The following ANKRD36B variants were observed in gnomAD, a reference collection of about 807,000 sequenced individuals.
ANKRD36B encodes ankyrin repeat domain 36B, also known as ankyrin repeat domain-containing protein 36B.
A neutral mutation model predicts 135.7 loss-of-function variants in ANKRD36B; 37 were observed. The ratio of observed to expected loss-of-function variants is 0.27; its 90% CI spans 0.21 to 0.36. The LOEUF is 0.36. Ranked by LOEUF, ANKRD36B falls within the 10% of genes least tolerant of loss-of-function variation. The pLI, the probability that ANKRD36B is intolerant of heterozygous loss-of-function variation, is 1.00. For missense variants in ANKRD36B, 549 were observed against 1,037.1 expected, an observed-to-expected ratio of 0.53 and a Z score of 6.46; for synonymous variants, 179 against 348.1, an observed-to-expected ratio of 0.51 and a Z score of 5.41.
intron 22 of ANKRD36B, among the ~76,000 whole-genome samples, chr2:97,546,076 T>C (rs2079434306): frequency 6.6e-6 from 1 of 151,682 alleles, no homozygotes; most frequent in Non-Finnish European, 1.5e-5. Flanking sequence ...ATTTCAAACA[T>C]GGTATGATTT....
intron 37 of ANKRD36B, among the ~76,000 whole-genome samples, chr2:97,514,903 ATTTT>A (rs1290812182): frequency 1.4e-5 from 1 of 69,742 alleles, no homozygotes. Flanking sequence ...AACTGGATAC[ATTTT>A]TTTTTTTTTT....
chr2:97,546,440 C>T (rs927022957), intron 22 of ANKRD36B, among the ~76,000 whole-genome samples: 3 of 151,732 alleles, frequency 2.0e-5, no homozygotes, highest in African/African-American at 7.2e-5. Flanking sequence ...TTATCTCTCA[C>T]ACGCACGTGG....
intron 35 of ANKRD36B, among the ~76,000 whole-genome samples, chr2:97,531,408 G>A (rs1298958447): frequency 5.2e-5 from 2 of 38,452 alleles, no homozygotes; most frequent in African/African-American, 1.4e-4. Context: ...GACTGTTGTG[G>A]GGTGGGGGGA....
chr2:97,589,170 A>C (rs1573125922), intron 1 of ANKRD36B, among the ~76,000 whole-genome samples: 11 of 86,752 alleles, frequency 1.3e-4, no homozygotes, highest in South Asian at 5.7e-4. Flanking sequence ...CCCACACCTC[A>C]CCCCCACCTC....
intron 21 of ANKRD36B, 29 bp from the exon 22 acceptor site, chr2:97,547,637 A>G: frequency 6.4e-7 from 1 of 1,558,334 alleles, no homozygotes; most frequent in Non-Finnish European, 8.7e-7. Context: ...GAAATAATAA[A>G]TTAATAAAGT....
intron 20 of ANKRD36B, among the ~76,000 whole-genome samples, chr2:97,548,769 G>T (rs562546106): frequency 5.6e-4 from 85 of 152,026 alleles, no homozygotes; most frequent in Middle Eastern, 3.4e-3. Flanking sequence ...ATGACTCAGT[G>T]TGTTTTTATG....
At chr2:97,573,002 T>A (rs1212855849) in intron 6 of ANKRD36B, among the ~76,000 whole-genome samples, 2 of 151,824 alleles carry the variant, frequency 1.3e-5, no homozygotes, top group Non-Finnish European at 2.9e-5. Context: ...CATATTGGTG[T>A]GCTGCACCCA....
intron 32 of ANKRD36B, among the ~76,000 whole-genome samples, chr2:97,537,487 T>C (rs2078947359): frequency 1.0e-5 from 1 of 97,330 alleles, no homozygotes; most frequent in African/African-American, 3.1e-5. Flanking sequence ...TGATGTCTGA[T>C]ACTAATAAAC....
rs750242061 is a variant in ANKRD36B, at chr2:97,560,687, C to T, written c.843G>A (p.Lys281=). ...DSVSNIATEI[K]EGPISGTVSS... is the part of the protein sequence containing the mutation. ...TACCTGTCCCAGATATAGGTCCCTC[C>T]TTTATTTCTGTGGCTATATTTGAAA... Residue 281 remains lysine (K), a synonymous_variant, in exon 8 of 44, where the codon AAG becomes AAA. Transcript: ENST00000359901. The T allele has an allele frequency of 6.9e-6, 11 of 1,603,638 alleles. No individual in the cohort carries two copies. Among genetic ancestry groups the T allele is most frequent in the Non-Finnish European group, 8.5e-6 (10 of 1,178,398 alleles).
Position 97,559,160 on chromosome 2 carries a change from G to GA in ANKRD36B, c.866-167dup, listed in dbSNP as rs950712259. On this transcript the variant is annotated intron_variant, in intron 8 of 43. Transcript: ENST00000359901. ...GACTGGAACATGACAGAAATACACT[G>GA]AAAAAAAAGGAATACAGGCTTCACA... is the stretch of plus-strand genomic sequence containing the variant. 4.6e-5 allele frequency among the ~76,000 whole-genome samples: 7 copies of GA among 151,228 alleles called. No homozygotes were observed. In the East Asian group the frequency reaches 9.8e-4, roughly 21 times the overall value.
rs1221387796 is a variant in ANKRD36B at position 97,538,675 on chromosome 2, G to A, written c.1988-312C>T. ...TGAAAAGAAATGTGATCTAAAATCA[G>A]AGGAGCAACTCATACACCCAGGAAC... On this transcript the variant is annotated intron_variant, in intron 30 of 43. Coordinates refer to ENST00000359901, the MANE Select transcript of ANKRD36B (RefSeq NM_001393939.1). Among the ~76,000 whole-genome samples the A allele has an allele frequency of 4.1e-5, 4 of 97,294 alleles. 1 individual carries two copies. Among genetic ancestry groups the A allele is most frequent in the Non-Finnish European group, 1.1e-4 (4 of 36,498 alleles). The allele number at this position is 97,294 out of a possible 152,430, so 63.8% of individuals were successfully genotyped here.
intron 6 of ANKRD36B, among the ~76,000 whole-genome samples, chr2:97,573,525 T>A (rs200786522): frequency 1.5e-3 from 223 of 146,712 alleles, no homozygotes; most frequent in African/African-American, 2.0e-3. Flanking sequence ...CTTCACAGAA[T>A]TGGAAAAAAC....
intron 6 of ANKRD36B, among the ~76,000 whole-genome samples, chr2:97,562,507 G>A (rs944102598): frequency 6.6e-6 from 1 of 151,940 alleles, no homozygotes; most frequent in African/African-American, 2.4e-5. Flanking sequence ...GACCCTGTGG[G>A]TTACCCTCAT....
At chr2:97,548,081 T>C (rs1167417473) in intron 20 of ANKRD36B, among the ~76,000 whole-genome samples, 1 of 151,748 alleles carries the variant, frequency 6.6e-6, no homozygotes, top group African/African-American at 2.4e-5. Flanking sequence ...TGAAAGCAGG[T>C]GCTACATGAT....
intron 14 of ANKRD36B, among the ~76,000 whole-genome samples, chr2:97,554,541 C>A (rs1197845205): frequency 6.6e-6 from 1 of 151,892 alleles, no homozygotes; most frequent in Non-Finnish European, 1.5e-5. Flanking sequence ...GTCTCCTCAG[C>A]AGAAACCCCA....
intron 6 of ANKRD36B, among the ~76,000 whole-genome samples, chr2:97,564,914 T>C (rs6542896): frequency 0.55 from 84,023 of 151,538 alleles, 24,805 homozygotes; most frequent in Non-Finnish European, 0.67. Flanking sequence ...GTGAAGAAAG[T>C]CAATGGTAGC....
chr2:97,574,047 TTAAAC>T (rs2082063424), intron 6 of ANKRD36B, among the ~76,000 whole-genome samples: 1 of 152,136 alleles, frequency 6.6e-6, no homozygotes, highest in African/African-American at 2.4e-5. Flanking sequence ...TGGGATCTAA[TTAAAC>T]TAAAGAGCTT....
At chr2:97,564,107 T>C (rs967420110) in intron 6 of ANKRD36B, among the ~76,000 whole-genome samples, 1 of 151,920 alleles carries the variant, frequency 6.6e-6, no homozygotes, top group Admixed American at 6.6e-5. Flanking sequence ...TCTAGGAATA[T>C]GCACATATGT....
intron 16 of ANKRD36B, among the ~76,000 whole-genome samples, chr2:97,552,421 T>C (rs569463225): frequency 6.6e-6 from 1 of 152,012 alleles, no homozygotes; most frequent in East Asian, 2.0e-4. Context: ...AGGAAGCCAA[T>C]GTATTCATAT....
Sources: allele counts gnomAD v4.1 joint callset (sites outside exome capture counted in the v4.1 genomes callset), GRCh38; gene constraint gnomAD v4.1.1; transcripts MANE v1.5; gene names NCBI Gene and HGNC (gene_info 2026-07-23, HGNC 2026-07-21).